PPARA: variants seen among roughly 807,000 people sequenced by gnomAD.
The protein encoded by PPARA is peroxisome proliferator activated receptor alpha.
PPARA carries 22 observed loss-of-function variants against 42.2 expected under a neutral mutation model. The ratio of observed to expected loss-of-function variants is 0.52; its 90% CI spans 0.37 to 0.74. PPARA has a LOEUF of 0.74. PPARA is among the 30% of genes least tolerant of loss of function. PPARA has a pLI of 0.00. For missense variants in PPARA, 465 were observed against 608.2 expected, an observed-to-expected ratio of 0.76 and a Z score of 2.48; for synonymous variants, 242 against 239.3, an observed-to-expected ratio of 1.01 and a Z score of -0.10.
In PPARA at chr22:46,242,899, A is replaced by AGAG. The variant is rs1936414847; in HGVS notation, c.*7521_*7523dup. 1 of 152,686 alleles carries AGAG rather than the reference A, an allele frequency of 6.5e-6. No individual in the cohort carries two copies. The highest frequency in any genetic ancestry group is 1.5e-5 in the Non-Finnish European group (1 of 68,056). The allele number at this position is 152,686 out of a possible 1,614,324, so 9.5% of individuals were successfully genotyped here. ...CCAGCGAGGCCTTAGACTCCGTATTAGAGGCCACCGATTTCATACAACAGT... is the reference window on the plus strand; with the variant it reads ...CCAGCGAGGCCTTAGACTCCGTATTAGAGGAGGCCACCGATTTCATACAACAGT... On this transcript the variant is annotated 3_prime_UTR_variant, in exon 9 of 9. Coordinates refer to ENST00000407236, the MANE Select transcript of PPARA (RefSeq NM_005036.6). The surrounding 1 kb of genome is among the most constrained non-coding windows in gnomAD (Gnocchi z 6.1).
chr22:46,198,958 C>T (rs1206135213), intron 4 of PPARA, among the ~76,000 whole-genome samples: 1 of 152,070 alleles, frequency 6.6e-6, no homozygotes, highest in African/African-American at 2.4e-5. Context: ...CGCGCCCGGC[C>T]GAAAACTGTT....
chr22:46,194,588 T>A (rs1320058128), intron 3 of PPARA, among the ~76,000 whole-genome samples: 1 of 146,420 alleles, frequency 6.8e-6, no homozygotes, highest in Non-Finnish European at 1.5e-5. Flanking sequence ...TTTTTTTTTT[T>A]TGTGACAGAG....
In PPARA at chr22:46,221,301, CTG is replaced by C. The variant is rs931317540; in HGVS notation, c.711+1288_711+1289del. On this transcript the variant is annotated intron_variant, in intron 7 of 8. Coordinates refer to ENST00000407236, the MANE Select transcript of PPARA (RefSeq NM_005036.6). This position sits in a 1 kb window ranked among gnomAD's most constrained non-coding sequence, Gnocchi z 5.9. ...CTCCCGCCAGGCCTCACCTCCACCA[CTG>C]GGGATTACAGTTCACCATGAGATTT... Among the ~76,000 whole-genome samples, 2 of 152,208 alleles carry C rather than the reference CTG, an allele frequency of 1.3e-5. No homozygotes were observed. The highest frequency in any genetic ancestry group is 2.9e-5 in the Non-Finnish European group (2 of 68,040).
rs55691428 is a variant in PPARA at position 46,185,964 on chromosome 22, T to TACACACAC, written c.-43+9131_-43+9138dup. ...ATATATATATATATATATATATATA[T>TACACACAC]ACACACACACTAACCTTCAGCATAT... On this transcript the variant is annotated intron_variant, in intron 3 of 8. Coordinates refer to ENST00000407236, the MANE Select transcript of PPARA (RefSeq NM_005036.6). Among the ~76,000 whole-genome samples the TACACACAC allele has an allele frequency of 3.9e-4, 10 of 25,924 alleles. 2 individuals are homozygous for TACACACAC. Among genetic ancestry groups the TACACACAC allele is most frequent in the Admixed American group, 7.0e-4 (1 of 1,438 alleles). 17.0% of individuals were successfully genotyped at this position (25,924 alleles called of 152,430 possible). A position where few individuals can be genotyped will look rare whatever the true frequency, so the allele number is the denominator to read the frequency against.
rs199553496 is a variant in PPARA at position 46,215,217 on chromosome 22, G to A, written c.253G>A (p.Val85Met). ...GAGCCCCTCCTCGGTGACTTATCCTGTGGTCCCCGGCAGCGTGGACGAGTC... is the reference window on the plus strand; with the variant it reads ...GAGCCCCTCCTCGGTGACTTATCCTATGGTCCCCGGCAGCGTGGACGAGTC... ...ASSPSSVTYP[V>M]VPGSVDESPS... Residue 85 changes from valine to methionine, a missense_variant, in exon 5 of 9, where the codon GTG (valine) becomes ATG (methionine). Physicochemically the swap from Val to Met is conservative, Grantham distance 21 (BLOSUM62 1). This residue lies in a region of PPARA where 152 missense variants were observed against 139.1 expected (regional missense o/e 1.09). Transcript: ENST00000407236. The A allele has an allele frequency of 5.6e-5, 91 of 1,614,092 alleles. No homozygotes were observed. In the East Asian group the frequency reaches 1.4e-3, roughly 25 times the overall value.
intron 3 of PPARA, among the ~76,000 whole-genome samples, chr22:46,181,995 C>T (rs780739410): frequency 2.6e-5 from 4 of 152,192 alleles, no homozygotes; most frequent in South Asian, 2.1e-4. Flanking sequence ...TGCACCACCA[C>T]GCCTGGCTAA....
At position 46,190,199 on chromosome 22, in the gene PPARA, A is replaced by T. The variant is rs944064767; in HGVS notation, c.-42-8143A>T. Among the ~76,000 whole-genome samples the T allele has an allele frequency of 6.6e-6, 1 of 152,184 alleles. No individual in the cohort carries two copies. Among genetic ancestry groups the T allele is most frequent in the Non-Finnish European group, 1.5e-5 (1 of 68,032 alleles). ...ATTAGAATTGGTGGGAAAGAGAAAAATCTGTCTTCTGATGGTCACCTGCCC... is the reference window on the plus strand; with the variant it reads ...ATTAGAATTGGTGGGAAAGAGAAAATTCTGTCTTCTGATGGTCACCTGCCC... On this transcript the variant is annotated intron_variant, in intron 3 of 8. Coordinates refer to ENST00000407236, the MANE Select transcript of PPARA (RefSeq NM_005036.6). This position sits in a 1 kb window ranked among gnomAD's most constrained non-coding sequence, Gnocchi z 5.6.
chr22:46,182,612 C>T lies in PPARA; in HGVS notation c.-43+5776C>T, dbSNP rs151299841. Reference sequence around the variant, plus strand: ...GAGAGCTTTGAGGATGATGGGTCTGCGTACTGTCTCGGCTATGATAGTGGT... The same window carrying T: ...GAGAGCTTTGAGGATGATGGGTCTGTGTACTGTCTCGGCTATGATAGTGGT... On this transcript the variant is annotated intron_variant, in intron 3 of 8. Coordinates refer to ENST00000407236, the MANE Select transcript of PPARA (RefSeq NM_005036.6). The surrounding 1 kb of genome is among the most constrained non-coding windows in gnomAD (Gnocchi z 5.2). 5.3e-5 allele frequency among the ~76,000 whole-genome samples: 8 copies of T among 152,190 alleles called. No homozygotes were observed. In the East Asian group the frequency reaches 1.3e-3, roughly 26 times the overall value.
chr22:46,180,999 G>A lies in PPARA; in HGVS notation c.-43+4163G>A, dbSNP rs1177695731. Among the ~76,000 whole-genome samples the A allele has an allele frequency of 6.6e-6, 1 of 152,184 alleles. No individual in the cohort carries two copies. Among genetic ancestry groups the A allele is most frequent in the African/African-American group, 2.4e-5 (1 of 41,426 alleles). On this transcript the variant is annotated intron_variant, in intron 3 of 8. Transcript: ENST00000407236. This position sits in a 1 kb window ranked among gnomAD's most constrained non-coding sequence, Gnocchi z 4.2. ...ATAAAGGGGTTGCAGGACGGTTCCAGCAGGGGCTGGGGATGGTGAGAGTAG... is the reference window on the plus strand; with the variant it reads ...ATAAAGGGGTTGCAGGACGGTTCCAACAGGGGCTGGGGATGGTGAGAGTAG...
chr22:46,214,816 G>C (rs997151507), intron 4 of PPARA, among the ~76,000 whole-genome samples: 1 of 150,268 alleles, frequency 6.7e-6, no homozygotes, highest in Non-Finnish European at 1.5e-5. Context: ...GAAGATGTGG[G>C]AATGAGGAGA....
rs558771059 is a variant in PPARA at position 46,191,472 on chromosome 22, T to G, written c.-42-6870T>G. The stretch of plus-strand genomic sequence containing the variant: ...GAACTGATAATCTGTTCCTCCCTAT[T>G]GTGTTCAGTATGGTTTTTTTTTTTT... On this transcript the variant is annotated intron_variant, in intron 3 of 8. Transcript: ENST00000407236. This position sits in a 1 kb window ranked among gnomAD's most constrained non-coding sequence, Gnocchi z 4.6. Among the ~76,000 whole-genome samples the G allele has an allele frequency of 1.3e-5, 2 of 152,024 alleles. No individual in the cohort carries two copies. The highest frequency in any genetic ancestry group is 4.2e-4 in the South Asian group (2 of 4,818).
chr22:46,201,437 G>A (rs1044518533), intron 4 of PPARA, among the ~76,000 whole-genome samples: 3 of 152,186 alleles, frequency 2.0e-5, no homozygotes, highest in Non-Finnish European at 4.4e-5. Context: ...GATAAGCGCT[G>A]TGGAAGGAGT....
At chr22:46,208,162 T>G (rs1730040439) in intron 4 of PPARA, among the ~76,000 whole-genome samples, 1 of 152,202 alleles carries the variant, frequency 6.6e-6, no homozygotes. Flanking sequence ...GGGCACAATG[T>G]GATGTTTTGG....
At chr22:46,159,728 C>G (rs1220200371) in intron 2 of PPARA, among the ~76,000 whole-genome samples, 1 of 152,138 alleles carries the variant, frequency 6.6e-6, no homozygotes, top group Non-Finnish European at 1.5e-5. Context: ...GAAGGTGGGA[C>G]TCAAAGGAGA....
chr22:46,226,487 T>G (rs4253760), intron 7 of PPARA, among the ~76,000 whole-genome samples: 47,927 of 152,120 alleles, frequency 0.32, 11,783 homozygotes, highest in African/African-American at 0.69. Flanking sequence ...CGTGCCGTGT[T>G]ATTTTTTCAA....
intron 2 of PPARA, among the ~76,000 whole-genome samples, chr22:46,175,321 C>T (rs1043402429): frequency 2.6e-5 from 4 of 152,192 alleles, no homozygotes; most frequent in African/African-American, 9.7e-5. Context: ...AATCAGTGGT[C>T]ATGGTGCCTT....
intron 2 of PPARA, among the ~76,000 whole-genome samples, chr22:46,175,835 T>A (rs901389871): frequency 6.6e-6 from 1 of 152,226 alleles, no homozygotes; most frequent in Admixed American, 6.5e-5. Context: ...TTCCTTTTTA[T>A]TGCTGAGTAA....
rs1935030462 is a variant in PPARA at position 46,221,835 on chromosome 22, G to C, written c.711+1821G>C. On this transcript the variant is annotated intron_variant, in intron 7 of 8. Transcript: ENST00000407236. This position sits in a 1 kb window ranked among gnomAD's most constrained non-coding sequence, Gnocchi z 5.9. ...TCATGTCTGTAATCCCAGCACTTTG[G>C]GAGGCTGAGGTGGGTGGATCACTTG... 6.6e-6 allele frequency among the ~76,000 whole-genome samples: 1 copy of C among 151,998 alleles called. No individual in the cohort carries two copies. The highest frequency in any genetic ancestry group is 2.4e-5 in the African/African-American group (1 of 41,372).
intron 2 of PPARA, among the ~76,000 whole-genome samples, chr22:46,175,771 A>G (rs553506451): frequency 6.6e-6 from 1 of 151,966 alleles, no homozygotes; most frequent in Admixed American, 6.6e-5. Context: ...ACCGTTTGAG[A>G]CTCAGGGTAA....
Sources: allele counts gnomAD v4.1 joint callset (sites outside exome capture counted in the v4.1 genomes callset), GRCh38; gene constraint gnomAD v4.1.1; regional missense constraint gnomAD v4.1.1; non-coding constraint Gnocchi (gnomAD v3.1); transcripts MANE v1.5; gene names NCBI Gene and HGNC (gene_info 2026-07-23, HGNC 2026-07-21).